The following CEP85L variants were observed in gnomAD, a reference collection of about 807,000 sequenced individuals.
CEP85L encodes the protein centrosomal protein 85L, also known as centrosomal protein of 85 kDa-like.
In CEP85L, 60 loss-of-function variants were observed where a neutral mutation model predicts 100.3. That is an observed-to-expected ratio of 0.60 (90% CI 0.49 to 0.74). The LOEUF (loss-of-function observed/expected upper bound fraction) is 0.74, where lower values mean the gene tolerates loss of function less well. CEP85L is among the 30% of genes least tolerant of loss of function. CEP85L has a pLI of 0.00. For synonymous variants in CEP85L, 319 were observed against 322.7 expected (o/e 0.99, Z 0.12); for missense variants, 973 against 936.2 (o/e 1.04, Z -0.51).
At chr6:118,550,868 A>C (rs1032033153) in intron 3 of CEP85L, among the ~76,000 whole-genome samples, 2 of 151,918 alleles carry the variant, frequency 1.3e-5, no homozygotes, top group Non-Finnish European at 2.9e-5. Flanking sequence ...TTACATTCTT[A>C]ATAGTCTAAA....
intron 3 of CEP85L, chr6:118,560,661 G>A (rs1219122563): frequency 6.0e-6 from 1 of 166,706 alleles, no homozygotes; most frequent in Non-Finnish European, 1.5e-5. Flanking sequence ...CTATTTTGCA[G>A]TCCACTCTAC....
rs35378654 is a variant in CEP85L at position 118,600,801 on chromosome 6, T to TAAA, written c.232+31649_232+31651dup. On this transcript the variant is annotated intron_variant, in intron 2 of 12. Coordinates refer to ENST00000368491, the MANE Select transcript of CEP85L (RefSeq NM_001042475.3). ...CCTGCCTTCAGAGGGTTGTCTTTTT[T>TAAA]AAAAAAAAAAAAAATCTTGAGTTTT... is the stretch of plus-strand genomic sequence containing the variant. Among the ~76,000 whole-genome samples, 905 of 147,060 alleles carry TAAA rather than the reference T, an allele frequency of 6.2e-3. 3 individuals are homozygous for TAAA. The highest frequency in any genetic ancestry group is 0.011 in the South Asian group (49 of 4,602).
chr6:118,704,895 C>T (rs959762380), intron 1 of CEP85L, among the ~76,000 whole-genome samples: 1 of 151,894 alleles, frequency 6.6e-6, no homozygotes, highest in Non-Finnish European at 1.5e-5. Flanking sequence ...CTTTCAGTGG[C>T]TTTTTTTTCC....
chr6:118,621,866 A>G (rs1194219950), intron 2 of CEP85L, among the ~76,000 whole-genome samples: 1 of 152,172 alleles, frequency 6.6e-6, no homozygotes, highest in East Asian at 1.9e-4. Context: ...AAGCCACTCT[A>G]TATTCTGATA....
chr6:118,616,906 C>T (rs1773091875), intron 2 of CEP85L, among the ~76,000 whole-genome samples: 1 of 150,352 alleles, frequency 6.7e-6, no homozygotes, highest in African/African-American at 2.5e-5. Context: ...GATAGTGCCA[C>T]TGCACTCCAG....
chr6:118,503,494 G>A (rs1775439552), intron 5 of CEP85L, among the ~76,000 whole-genome samples: 1 of 151,990 alleles, frequency 6.6e-6, no homozygotes, highest in Non-Finnish European at 1.5e-5. Context: ...AATACTAAAG[G>A]AAAAGAACAA....
chr6:118,554,312 CAATT>C (rs903162366), intron 3 of CEP85L, among the ~76,000 whole-genome samples: 18 of 152,122 alleles, frequency 1.2e-4, no homozygotes, highest in Non-Finnish European at 1.5e-4. Context: ...TTCATAAAAA[CAATT>C]AATTAATTAA....
At chr6:118,489,940 C>T (rs879558769) in intron 6 of CEP85L, among the ~76,000 whole-genome samples, 1 of 151,746 alleles carries the variant, frequency 6.6e-6, no homozygotes, top group South Asian at 2.1e-4. Context: ...CACACACACA[C>T]ATATATACAC....
intron 12 of CEP85L, 47 bp from the exon 13 acceptor site, chr6:118,465,615 A>C (rs190592117): frequency 4.4e-6 from 7 of 1,578,902 alleles, no homozygotes; most frequent in Middle Eastern, 1.7e-4. Flanking sequence ...TTTTTGAACA[A>C]AGACATTTTA....
intron 4 of CEP85L, among the ~76,000 whole-genome samples, chr6:118,517,539 G>T (rs1166818291): frequency 6.6e-6 from 1 of 152,070 alleles, no homozygotes; most frequent in Non-Finnish European, 1.5e-5. Context: ...TTGCCTCTCT[G>T]TTTGTCTGTT....
chr6:118,652,777 A>T (rs1227190340), upstream of CEP85L: 1 of 1,523,652 alleles, frequency 6.6e-7, no homozygotes, highest in Non-Finnish European at 8.9e-7. Context: ...ATTTCTCCAA[A>T]TCATGTAATG....
At chr6:118,603,254 C>G (rs189945993) in intron 2 of CEP85L, among the ~76,000 whole-genome samples, 23 of 152,188 alleles carry the variant, frequency 1.5e-4, no homozygotes, top group Admixed American at 1.5e-3. Context: ...AAGTGACACT[C>G]TTTACTTACC....
At chr6:118,501,972 T>C (rs1775334647) in intron 5 of CEP85L, 2 of 864,104 alleles carry the variant, frequency 2.3e-6, no homozygotes, top group African/African-American at 1.7e-5. Context: ...TGAAGGAATC[T>C]GGAGGAAAAC....
At chr6:118,506,214 A>G (rs1413920652) in intron 5 of CEP85L, among the ~76,000 whole-genome samples, 1 of 152,218 alleles carries the variant, frequency 6.6e-6, no homozygotes, top group Admixed American at 6.5e-5. Context: ...CTAGTGCACT[A>G]ACAAAAACAG....
rs150900115 is a variant in CEP85L at position 118,489,898 on chromosome 6, C to T, written c.1437+1788G>A. Among the ~76,000 whole-genome samples, 170 of 152,120 alleles carry T rather than the reference C, an allele frequency of 1.1e-3. 1 individual carries two copies. Among genetic ancestry groups the T allele is most frequent in the African/African-American group, 3.9e-3 (161 of 41,488 alleles). On this transcript the variant is annotated intron_variant, in intron 6 of 12. Transcript: ENST00000368491. ...TGGAAACAATCTAAATATCCAGCAACAGGTGAATGAGCAACATAAATGTTA... is the reference window on the plus strand; with the variant it reads ...TGGAAACAATCTAAATATCCAGCAATAGGTGAATGAGCAACATAAATGTTA...
At chr6:118,611,434 C>T (rs1454532107) in intron 2 of CEP85L, among the ~76,000 whole-genome samples, 1 of 152,038 alleles carries the variant, frequency 6.6e-6, no homozygotes, top group Non-Finnish European at 1.5e-5. Flanking sequence ...TAAAAATGTT[C>T]AAGTAACCCA....
chr6:118,620,370 T>C (rs1270370060), intron 2 of CEP85L, among the ~76,000 whole-genome samples: 1 of 152,076 alleles, frequency 6.6e-6, no homozygotes, highest in African/African-American at 2.4e-5. Context: ...GACCGCAGCC[T>C]TGGTCATGGC....
chr6:118,548,120 C>A (rs1778317578), intron 3 of CEP85L, among the ~76,000 whole-genome samples: 1 of 151,992 alleles, frequency 6.6e-6, no homozygotes, highest in Non-Finnish European at 1.5e-5. Flanking sequence ...AAATTAAAAA[C>A]AAAAGATGAA....
intron 5 of CEP85L, among the ~76,000 whole-genome samples, chr6:118,503,556 A>T (rs1344243529): frequency 1.3e-5 from 2 of 152,192 alleles, no homozygotes; most frequent in Non-Finnish European, 2.9e-5. Context: ...AGGCTACAGT[A>T]ATCAAAACAA....
Sources: gnomAD v4.1 joint callset for allele counts (sites outside exome capture counted in the v4.1 genomes callset) on GRCh38, gnomAD v4.1.1 for gene constraint, MANE v1.5 for transcripts, NCBI Gene and HGNC (gene_info 2026-07-23, HGNC 2026-07-21) for gene names.